Variants in TMEM243 observed in about 807,000 individuals in gnomAD.
TMEM243 encodes the protein transmembrane protein 243, also known as MDR1 and mitochondrial taxol resistance associated.
TMEM243 carries 20 observed loss-of-function variants against 15.0 expected under a neutral mutation model. That is an observed-to-expected ratio of 1.33 (90% CI 0.94 to 1.93). The LOEUF (loss-of-function observed/expected upper bound fraction) is 1.93. TMEM243 is among the 30% of genes most tolerant of loss of function. The pLI is 0.00. For missense variants in TMEM243, 156 were observed against 142.1 expected (o/e 1.10, Z -0.50); for synonymous variants, 72 against 52.7 (o/e 1.37, Z -1.59).
chr7:87,206,963 C>G (rs1334242096), intron 1 of TMEM243, among the ~76,000 whole-genome samples: 1 of 152,262 alleles, frequency 6.6e-6, no homozygotes, highest in Non-Finnish European at 1.5e-5. Context: ...ATGTGCCTCA[C>G]TGCTGCAGGG....
At chr7:87,218,962 C>T (rs1803296539) in intron 1 of TMEM243, among the ~76,000 whole-genome samples, 1 of 152,132 alleles carries the variant, frequency 6.6e-6, no homozygotes, top group South Asian at 2.1e-4. Context: ...TCACCTCAAG[C>T]CTCTCCCCTT....
chr7:87,197,883 C>G (rs1198818217), intron 3 of TMEM243, 58 bp downstream of exon 3: 2 of 1,610,340 alleles, frequency 1.2e-6, no homozygotes, highest in Admixed American at 3.3e-5. Context: ...AAATTTTTGT[C>G]CTGTGCATTG....
intron 1 of TMEM243, chr7:87,216,901 T>TG (rs1007287425): frequency 6.6e-5 from 10 of 152,222 alleles, no homozygotes; most frequent in Admixed American, 5.9e-4. Flanking sequence ...GGAAACTACT[T>TG]GTATGACTGA....
At chr7:87,197,180 C>CT (rs1801355059) in intron 3 of TMEM243, among the ~76,000 whole-genome samples, 1 of 152,048 alleles carries the variant, frequency 6.6e-6, no homozygotes, top group Non-Finnish European at 1.5e-5. Flanking sequence ...AGGCTTCAAG[C>CT]TAGGGGAACA....
chr7:87,219,144 T>G (rs1584561491), intron 1 of TMEM243, among the ~76,000 whole-genome samples: 1 of 151,724 alleles, frequency 6.6e-6, no homozygotes, highest in Non-Finnish European at 1.5e-5. Context: ...TAAATCAACC[T>G]CCCCTCCGGA....
chr7:87,219,432 G>A lies in TMEM243; in HGVS notation c.72C>T (p.Ser24=). Residue 24 remains serine, a synonymous_variant, in exon 1 of 4, where the codon TCC becomes TCT. Coordinates refer to ENST00000257637, the MANE Select transcript of TMEM243 (RefSeq NM_024315.4). ...LDNRPLFGET[S]AKDRIINLVV... ...AGTCACAATCCGCACTCACCTTGGC[G>A]GACGTCTCCCCAAACAGAGGTCTGT... is the stretch of plus-strand genomic sequence containing the variant. The A allele has an allele frequency of 4.3e-6, 7 of 1,614,168 alleles. No individual in the cohort carries two copies. The highest frequency in any genetic ancestry group is 1.1e-5 in the South Asian group (1 of 91,080).
At chr7:87,209,538 A>ACAATG (rs1554365780) in intron 1 of TMEM243, among the ~76,000 whole-genome samples, 3 of 145,060 alleles carry the variant, frequency 2.1e-5, no homozygotes, top group African/African-American at 7.9e-5. Context: ...GTGAGAGAGA[A>ACAATG]AGTGAGAGAC....
chr7:87,211,383 A>G (rs894920561), intron 1 of TMEM243, among the ~76,000 whole-genome samples: 2 of 152,156 alleles, frequency 1.3e-5, no homozygotes, highest in African/African-American at 4.8e-5. Flanking sequence ...CAGGTATTAA[A>G]TGCCCAAAGG....
intron 1 of TMEM243, among the ~76,000 whole-genome samples, chr7:87,206,187 G>C (rs908953904): frequency 1.3e-5 from 2 of 152,076 alleles, no homozygotes; most frequent in Non-Finnish European, 2.9e-5. Context: ...CTCCCACCGG[G>C]TCCCTCCCAC....
rs1456635168 is a variant in TMEM243, at chr7:87,219,707, C to T, written c.-204G>A. 4 of 584,456 alleles carry T rather than the reference C, an allele frequency of 6.8e-6. No individual in the cohort carries two copies. The East Asian group carries it at 8.7e-5, about 13-fold the overall frequency. The allele number at this position is 584,456 out of a possible 1,614,324, so 36.2% of individuals were successfully genotyped here. On this transcript the variant is annotated 5_prime_UTR_variant, in exon 1 of 4. It removes an upstream start codon present in the reference 5' UTR. Transcript: ENST00000257637. Reference sequence around the variant, plus strand: ...TCCGCCCCGGCCCCGCGCACCTCCTCATCTTGAGCAGCTGCCGCAGGAAGT... The same window carrying T: ...TCCGCCCCGGCCCCGCGCACCTCCTTATCTTGAGCAGCTGCCGCAGGAAGT...
At chr7:87,206,455 C>A (rs1373261571) in intron 1 of TMEM243, among the ~76,000 whole-genome samples, 4 of 152,198 alleles carry the variant, frequency 2.6e-5, no homozygotes, top group African/African-American at 9.7e-5. Flanking sequence ...GTCCCCCTTA[C>A]CGGCAGGGGA....
rs1801246564 is a variant in TMEM243, at chr7:87,196,493, G to A, written c.*143C>T. On this transcript the variant is annotated 3_prime_UTR_variant, in exon 4 of 4. Coordinates refer to ENST00000257637, the MANE Select transcript of TMEM243 (RefSeq NM_024315.4). Reference sequence around the variant, plus strand: ...GATCTAGGATATGTCTCCCTTGCAAGAGGGAATTAACATTTACAATTAACA... The same window carrying A: ...GATCTAGGATATGTCTCCCTTGCAAAAGGGAATTAACATTTACAATTAACA... 4 of 823,306 alleles carry A rather than the reference G, an allele frequency of 4.9e-6. No homozygotes were observed. Among genetic ancestry groups the A allele is most frequent in the Admixed American group, 6.2e-5 (2 of 32,490 alleles). The allele number at this position is 823,306 out of a possible 1,614,324, so 51.0% of individuals were successfully genotyped here. A position where few individuals can be genotyped will look rare whatever the true frequency, so the allele number is the denominator to read the frequency against.
chr7:87,207,872 C>T (rs898337032), intron 1 of TMEM243, among the ~76,000 whole-genome samples: 1 of 152,186 alleles, frequency 6.6e-6, no homozygotes, highest in African/African-American at 2.4e-5. Flanking sequence ...AGACATCCTA[C>T]CCCTGGGAAG....
chr7:87,205,223 G>A (rs1462767035), intron 1 of TMEM243, among the ~76,000 whole-genome samples: 1 of 152,188 alleles, frequency 6.6e-6, no homozygotes, highest in East Asian at 1.9e-4. Context: ...TGATGGGAGG[G>A]GCTGCCTCAA....
In TMEM243 at chr7:87,219,544, G is replaced by C. The variant is rs1304655862; in HGVS notation, c.-41C>G. ...CTTTCCCCAAGCCACTTAAAAGCAA[G>C]ACAGCATGACCTCCCGAGGTCTCAG... On this transcript the variant is annotated 5_prime_UTR_variant, in exon 1 of 4. Transcript: ENST00000257637. The C allele has an allele frequency of 2.2e-5, 35 of 1,579,452 alleles. 1 individual carries two copies. The Admixed American group carries it at 5.7e-4, about 26-fold the overall frequency.
intron 1 of TMEM243, among the ~76,000 whole-genome samples, chr7:87,217,850 T>G (rs1803222355): frequency 6.6e-6 from 1 of 152,238 alleles, no homozygotes; most frequent in African/African-American, 2.4e-5. Context: ...CTGAAATCAT[T>G]GGACGTTTTG....
intron 1 of TMEM243, among the ~76,000 whole-genome samples, chr7:87,205,293 C>T (rs73208553): frequency 0.037 from 5,684 of 152,198 alleles, 129 homozygotes; most frequent in East Asian, 0.065. Context: ...ACATTTGGCT[C>T]CTCTTACTTG....
At position 87,199,054 on chromosome 7, in the gene TMEM243, G is replaced by A. The variant is rs749427401; in HGVS notation, c.82C>T (p.Arg28Ter). 90 of 1,604,798 alleles carry A rather than the reference G, an allele frequency of 5.6e-5. No individual in the cohort carries two copies. The highest frequency in any genetic ancestry group is 7.1e-5 in the Non-Finnish European group (84 of 1,176,822). The part of the protein sequence containing the change: ...PLFGETSAKD[R>*]IINLVVGSLT... ...CTGCCAACAACTAAATTGATGATTCGATCCTGAAAGAGAAAAGAATTTTTA... is the reference window on the plus strand; with the variant it reads ...CTGCCAACAACTAAATTGATGATTCAATCCTGAAAGAGAAAAGAATTTTTA... The change falls in exon 2 of 4, where the codon CGA becomes TGA. Residue 28 changes from arginine (R) to a stop codon, truncating the protein, a stop_gained. Transcript: ENST00000257637. LOFTEE classifies it high-confidence loss of function.
At chr7:87,209,369 AAGAG>A (rs978996446) in intron 1 of TMEM243, among the ~76,000 whole-genome samples, 8 of 151,694 alleles carry the variant, frequency 5.3e-5, no homozygotes, top group Non-Finnish European at 8.8e-5. Flanking sequence ...AGAAGAGGGG[AAGAG>A]AGAGAGGTGG....
Sources: allele counts gnomAD v4.1 joint callset (sites outside exome capture counted in the v4.1 genomes callset), GRCh38; gene constraint gnomAD v4.1.1; transcripts MANE v1.5; gene names NCBI Gene and HGNC (gene_info 2026-07-23, HGNC 2026-07-21).